CSMD1: variants seen among roughly 807,000 people sequenced by gnomAD.
CSMD1 encodes the protein CUB and sushi domain-containing protein 1.
In CSMD1, 213 loss-of-function variants were observed where a neutral mutation model predicts 417.5. The ratio of observed to expected loss-of-function variants is 0.51; its 90% CI spans 0.46 to 0.57. The LOEUF is 0.57. CSMD1 is among the 20% of genes least tolerant of loss of function. The pLI is 0.00. For missense variants in CSMD1, 6,923 were observed against 4,529.7 expected (o/e 1.53, Z -15.17); for synonymous variants, 2,862 against 1,736.8 (o/e 1.65, Z -16.11).
At chr8:4,217,527 G>A (rs1458971072) in intron 3 of CSMD1, among the ~76,000 whole-genome samples, 1 of 152,152 alleles carries the variant, frequency 6.6e-6, no homozygotes, top group Non-Finnish European at 1.5e-5. Flanking sequence ...AGAAGGTGGT[G>A]GTGGAAGTGT....
chr8:4,020,436 C>G (rs576764899), intron 4 of CSMD1, among the ~76,000 whole-genome samples: 1 of 152,182 alleles, frequency 6.6e-6, no homozygotes, highest in African/African-American at 2.4e-5. Context: ...TTTCTATGCT[C>G]TATTGATATT....
At chr8:4,924,185 G>C (rs1033876504) in intron 1 of CSMD1, among the ~76,000 whole-genome samples, 7 of 152,032 alleles carry the variant, frequency 4.6e-5, no homozygotes, top group African/African-American at 1.4e-4. Context: ...ATCTCTGCTA[G>C]AAAAAAATGT....
At chr8:4,621,155 A>G (rs1014696376) in intron 2 of CSMD1, among the ~76,000 whole-genome samples, 7 of 152,012 alleles carry the variant, frequency 4.6e-5, no homozygotes, top group Non-Finnish European at 7.4e-5. Flanking sequence ...TCTTTTTTCG[A>G]ATTTTGGAAT....
At chr8:4,724,063 A>C (rs1809251955) in intron 1 of CSMD1, among the ~76,000 whole-genome samples, 1 of 152,160 alleles carries the variant, frequency 6.6e-6, no homozygotes, top group South Asian at 2.1e-4. Context: ...TACTGAAAAT[A>C]GTTTAAACAA....
chr8:3,311,221 A>C (rs1805318495), intron 23 of CSMD1, among the ~76,000 whole-genome samples: 1 of 152,144 alleles, frequency 6.6e-6, no homozygotes, highest in South Asian at 2.1e-4. Context: ...GAAATTGTTG[A>C]CATGAGATAG....
chr8:3,602,792 CA>C (rs1801425820), intron 8 of CSMD1, among the ~76,000 whole-genome samples: 1 of 151,612 alleles, frequency 6.6e-6, no homozygotes, highest in African/African-American at 2.4e-5. Context: ...CATTTATATT[CA>C]AATAGTCCCC....
chr8:3,982,844 G>C (rs1207057157), intron 5 of CSMD1, among the ~76,000 whole-genome samples: 5 of 152,202 alleles, frequency 3.3e-5, no homozygotes, highest in African/African-American at 1.2e-4. Flanking sequence ...CATCATTGCA[G>C]CTCTACGCAT....
rs1160819245 is a variant in CSMD1, at chr8:2,935,739, G to C, written c.*2846C>G. Reference sequence around the variant, plus strand: ...TGTGGTGGGACGGGAGGGAGGGTCGGCGATGACAATGGGTTTTCCTGATCA... The same window carrying C: ...TGTGGTGGGACGGGAGGGAGGGTCGCCGATGACAATGGGTTTTCCTGATCA... On this transcript the variant is annotated 3_prime_UTR_variant, in exon 70 of 70. Coordinates refer to ENST00000635120, the MANE Select transcript of CSMD1 (RefSeq NM_033225.6). 1.3e-5 allele frequency: 2 copies of C among 152,150 alleles called. No homozygotes were observed. Among genetic ancestry groups the C allele is most frequent in the African/African-American group, 4.8e-5 (2 of 41,430 alleles). The allele number at this position is 152,150 out of a possible 1,614,324, so 9.4% of individuals were successfully genotyped here.
At chr8:3,314,109 G>A (rs181254833) in intron 23 of CSMD1, among the ~76,000 whole-genome samples, 9,968 of 151,496 alleles carry the variant, frequency 0.066, 443 homozygotes, top group African/African-American at 0.12. Flanking sequence ...ATCACACACC[G>A]GAGCCTGTTG....
At chr8:4,506,449 TC>T (rs1174522224) in intron 2 of CSMD1, among the ~76,000 whole-genome samples, 1 of 151,790 alleles carries the variant, frequency 6.6e-6, no homozygotes, top group East Asian at 1.9e-4. Context: ...AACTTCCCAC[TC>T]CCCTCCCCTA....
intron 2 of CSMD1, among the ~76,000 whole-genome samples, chr8:4,487,533 C>G (rs551266008): frequency 2.6e-4 from 39 of 152,258 alleles, no homozygotes; most frequent in Non-Finnish European, 4.6e-4. Flanking sequence ...CCATGGTGTA[C>G]ATGTGCCACA....
intron 26 of CSMD1, among the ~76,000 whole-genome samples, chr8:3,277,643 A>G (rs1019597964): frequency 3.9e-5 from 6 of 152,156 alleles, no homozygotes; most frequent in South Asian, 2.1e-4. Context: ...CAGGATTGGG[A>G]AAAGCATGAA....
chr8:4,885,073 T>C (rs1803650979), intron 1 of CSMD1, among the ~76,000 whole-genome samples: 1 of 152,150 alleles, frequency 6.6e-6, no homozygotes, highest in South Asian at 2.1e-4. Flanking sequence ...TTAAAAGTAT[T>C]ATTGCATTCT....
At chr8:4,968,487 T>G (rs4875420) in intron 1 of CSMD1, among the ~76,000 whole-genome samples, 1 of 152,012 alleles carries the variant, frequency 6.6e-6, no homozygotes, top group Non-Finnish European at 1.5e-5. Context: ...GATTAAGATA[T>G]AGGAAAATGC....
intron 2 of CSMD1, among the ~76,000 whole-genome samples, chr8:4,448,008 T>G (rs941806147): frequency 8.5e-5 from 13 of 152,180 alleles, no homozygotes; most frequent in African/African-American, 3.1e-4. Context: ...GGGCAGGTGG[T>G]AAAACTAAAA....
intron 1 of CSMD1, among the ~76,000 whole-genome samples, chr8:4,665,349 T>C (rs76993054): frequency 0.038 from 5,725 of 152,282 alleles, 157 homozygotes; most frequent in East Asian, 0.12. Flanking sequence ...TGAAGACTAA[T>C]TTCCAAAAAG....
intron 3 of CSMD1, among the ~76,000 whole-genome samples, chr8:4,109,226 C>T (rs181782705): frequency 1.3e-5 from 2 of 152,088 alleles, no homozygotes; most frequent in Non-Finnish European, 2.9e-5. Context: ...GGTATAGACA[C>T]AACCATCCAT....
chr8:4,249,749 G>A (rs563098668), intron 3 of CSMD1, among the ~76,000 whole-genome samples: 60 of 152,160 alleles, frequency 3.9e-4, no homozygotes, highest in African/African-American at 1.3e-3. Flanking sequence ...GGAGAACAAA[G>A]TCTATTAATG....
chr8:4,370,649 T>G (rs543950280), intron 3 of CSMD1, among the ~76,000 whole-genome samples: 40 of 152,336 alleles, frequency 2.6e-4, no homozygotes, highest in African/African-American at 8.4e-4. Context: ...CATTTTTAAT[T>G]TTTGTATGCT....
Sources: gnomAD v4.1 joint callset for allele counts (sites outside exome capture counted in the v4.1 genomes callset) on GRCh38, gnomAD v4.1.1 for gene constraint, MANE v1.5 for transcripts, NCBI Gene and HGNC (gene_info 2026-07-23, HGNC 2026-07-21) for gene names.